The following SLC13A2 variants were observed in gnomAD, a reference collection of about 807,000 sequenced individuals.
The protein encoded by SLC13A2 is solute carrier family 13 member 2.
In SLC13A2, 40 loss-of-function variants were observed where a neutral mutation model predicts 58.5. The ratio of observed to expected loss-of-function variants is 0.68; its 90% CI spans 0.53 to 0.89. The LOEUF is 0.89. SLC13A2 is among the 40% of genes least tolerant of loss of function. The pLI is 0.00. For missense variants in SLC13A2, 694 were observed against 772.6 expected (o/e 0.90, Z 1.21); for synonymous variants, 341 against 331.6 (o/e 1.03, Z -0.31).
Position 28,483,465 on chromosome 17 carries a change from C to CA in SLC13A2, c.103-5736dup, listed in dbSNP as rs57271856. Reference sequence around the variant, plus strand: ...CAATATAGCGAGACCCTCATCTCTACAAAAAAAAAAAAATTGTTTTAATTA... The same window carrying CA: ...CAATATAGCGAGACCCTCATCTCTACAAAAAAAAAAAAAATTGTTTTAATTA... On this transcript the variant is annotated intron_variant, in intron 1 of 11. Transcript: ENST00000314669. 3.3e-3 allele frequency among the ~76,000 whole-genome samples: 455 copies of CA among 138,580 alleles called. 2 individuals carry two copies. Among genetic ancestry groups the CA allele is most frequent in the African/African-American group, 5.5e-3 (207 of 37,642 alleles). The allele number at this position is 138,580 out of a possible 152,430, so 90.9% of individuals were successfully genotyped here.
Position 28,489,207 on chromosome 17 carries a change from C to T in SLC13A2, c.103-7C>T. The T allele has an allele frequency of 1.2e-6, 2 of 1,613,000 alleles. No homozygotes were observed. Among genetic ancestry groups the T allele is most frequent in the South Asian group, 2.2e-5 (2 of 91,046 alleles). On this transcript the variant is annotated splice_polypyrimidine_tract_variant and splice_region_variant and intron_variant, in intron 1 of 11. Transcript: ENST00000314669. Reference sequence around the variant, plus strand: ...TGACAGCTCTGCCGCTTCTCTCCCACCTGCAGGAGGCCTACTGCGCGTATG... The same window carrying T: ...TGACAGCTCTGCCGCTTCTCTCCCATCTGCAGGAGGCCTACTGCGCGTATG...
In SLC13A2 at chr17:28,496,394, C is replaced by T; in HGVS notation, c.1471-56C>T. The T allele has an allele frequency of 6.5e-7, 1 of 1,542,206 alleles. No individual in the cohort carries two copies. Among genetic ancestry groups the T allele is most frequent in the Non-Finnish European group, 8.8e-7 (1 of 1,140,458 alleles). ...GAAGCAGGAGAATTGGGGGCCATGC[C>T]CCTCCCTCTGGCTTGGGGACCAAGT... is the stretch of plus-strand genomic sequence containing the variant. On this transcript the variant is annotated intron_variant, in intron 10 of 11. Coordinates refer to ENST00000314669, the MANE Select transcript of SLC13A2 (RefSeq NM_003984.4). The surrounding 1 kb of genome is among the most constrained non-coding windows in gnomAD (Gnocchi z 4.2).
In SLC13A2 at chr17:28,494,258, G is replaced by T; in HGVS notation, c.1187-133G>T. The T allele has an allele frequency of 6.5e-7, 1 of 1,539,226 alleles. No individual in the cohort carries two copies. On this transcript the variant is annotated intron_variant, in intron 8 of 11. Transcript: ENST00000314669. This position sits in a 1 kb window ranked among gnomAD's most constrained non-coding sequence, Gnocchi z 4.0. ...CACAGGGACTCGGAGACAAAGTTGAGATGTTGCAGAACTGAGGGTCCCCTC... is the reference window on the plus strand; with the variant it reads ...CACAGGGACTCGGAGACAAAGTTGATATGTTGCAGAACTGAGGGTCCCCTC...
rs1418617275 is a variant in SLC13A2 at position 28,495,659 on chromosome 17, C to A, written c.1313C>A (p.Ser438Ter). ...GYALAKGSER[S>*]GLSEWLGNKL... is the part of the protein sequence containing the mutation. Reference sequence around the variant, plus strand: ...GCCATCCTCCTCTGCCCACAGCGATCGGGCCTGTCAGAGTGGCTGGGAAAC... The same window carrying A: ...GCCATCCTCCTCTGCCCACAGCGATAGGGCCTGTCAGAGTGGCTGGGAAAC... Residue 438 changes from serine (S) to a stop codon, truncating the protein, a stop_gained, in exon 10 of 12, where the codon TCG (serine) becomes TAG (stop). Coordinates refer to ENST00000314669, the MANE Select transcript of SLC13A2 (RefSeq NM_003984.4). LOFTEE classifies it high-confidence loss of function. 6.2e-7 allele frequency: 1 copy of A among 1,609,508 alleles called. No individual in the cohort carries two copies. Among genetic ancestry groups the A allele is most frequent in the Non-Finnish European group, 8.5e-7 (1 of 1,179,672 alleles).
chr17:28,495,431 C>G (rs1419345161), intron 9 of SLC13A2, among the ~76,000 whole-genome samples: 2 of 152,158 alleles, frequency 1.3e-5, no homozygotes, highest in African/African-American at 2.4e-5. Context: ...CTTTGGCCCC[C>G]TCCTAATTTC....
intron 1 of SLC13A2, chr17:28,487,694 A>G (rs1238961225): frequency 7.8e-6 from 4 of 514,904 alleles, no homozygotes; most frequent in Non-Finnish European, 1.0e-5. Flanking sequence ...CGGGTGAGGA[A>G]ACACTGGCAT....
intron 1 of SLC13A2, among the ~76,000 whole-genome samples, 181 bp downstream of exon 1, chr17:28,473,995 T>C (rs1038029551): frequency 1.3e-5 from 2 of 152,174 alleles, no homozygotes; most frequent in South Asian, 2.1e-4. Flanking sequence ...GGGCTTTTGC[T>C]TGGCACCCAG....
intron 1 of SLC13A2, among the ~76,000 whole-genome samples, chr17:28,476,705 C>T (rs147132820): frequency 1.1e-4 from 16 of 152,304 alleles, no homozygotes; most frequent in Middle Eastern, 3.4e-3. Flanking sequence ...AAGCCCTGTT[C>T]TTTTGTTTAT....
At chr17:28,478,237 T>C (rs1555600447) in intron 1 of SLC13A2, among the ~76,000 whole-genome samples, 1 of 152,192 alleles carries the variant, frequency 6.6e-6, no homozygotes, top group Non-Finnish European at 1.5e-5. Context: ...GGGAGGCCGG[T>C]GGTGCCCCCG....
chr17:28,490,025 G>C (rs137900228), intron 2 of SLC13A2, among the ~76,000 whole-genome samples: 2,621 of 152,320 alleles, frequency 0.017, 27 homozygotes, highest in Middle Eastern at 0.027. Flanking sequence ...TGTAATCCTA[G>C]CACTTTAGGG....
intron 1 of SLC13A2, among the ~76,000 whole-genome samples, chr17:28,486,978 A>G (rs1555602085): frequency 1.3e-5 from 2 of 152,052 alleles, no homozygotes; most frequent in African/African-American, 4.8e-5. Context: ...TTGTATTTTT[A>G]GTAGAGACTG....
intron 4 of SLC13A2, 93 bp downstream of exon 4, chr17:28,490,999 C>G: frequency 1.6e-6 from 2 of 1,225,276 alleles, no homozygotes; most frequent in East Asian, 2.6e-5. Context: ...CATCTTGGAG[C>G]CTTTGGGGAG....
At chr17:28,493,418 C>T (rs1217965061) in intron 6 of SLC13A2, among the ~76,000 whole-genome samples, 153 bp from the exon 7 acceptor site, 4 of 152,200 alleles carry the variant, frequency 2.6e-5, no homozygotes, top group Admixed American at 6.5e-5. Context: ...GTCTTCTGCT[C>T]CTCCTCCAGA....
Position 28,493,296 on chromosome 17 carries a change from C to A in SLC13A2, c.879-275C>A, listed in dbSNP as rs191051276. 6.8e-4 allele frequency among the ~76,000 whole-genome samples: 103 copies of A among 152,242 alleles called. 1 individual carries two copies. In the East Asian group the frequency reaches 0.019, roughly 29 times the overall value. On this transcript the variant is annotated intron_variant, in intron 6 of 11. Transcript: ENST00000314669. Reference sequence around the variant, plus strand: ...AGTCCCAGGGTCTGAGCTGCTAGGTCCTCCTCACCCTGGGCAAGGGAGGGT... The same window carrying A: ...AGTCCCAGGGTCTGAGCTGCTAGGTACTCCTCACCCTGGGCAAGGGAGGGT...
chr17:28,495,711 A>C lies in SLC13A2; in HGVS notation c.1365A>C (p.Pro455=), dbSNP rs782402147. 4 of 1,612,680 alleles carry C rather than the reference A, an allele frequency of 2.5e-6. No individual in the cohort carries two copies. The highest frequency in any genetic ancestry group is 3.4e-6 in the Non-Finnish European group (4 of 1,179,972). The stretch of plus-strand genomic sequence containing the variant: ...AGCTGACCCCACTGCAGAGTGTGCC[A>C]GCTCCAGCCATTGCCATCATCCTCT... ...GNKLTPLQSV[P]APAIAIILSL... is the part of the protein sequence containing the mutation. The change falls in exon 10 of 12, where the codon CCA becomes CCC. Residue 455 remains proline (P), a synonymous_variant. Coordinates refer to ENST00000314669, the MANE Select transcript of SLC13A2 (RefSeq NM_003984.4).
In SLC13A2 at chr17:28,496,372, G is replaced by T; in HGVS notation, c.1471-78G>T. 6.6e-7 allele frequency: 1 copy of T among 1,504,038 alleles called. No individual in the cohort carries two copies. Among genetic ancestry groups the T allele is most frequent in the Non-Finnish European group, 8.9e-7 (1 of 1,120,378 alleles). 93.2% of individuals were successfully genotyped at this position (1,504,038 alleles called of 1,614,324 possible). ...GGTACAGGGGTTGTTCCCCAGAGAA[G>T]CAGGAGAATTGGGGGCCATGCCCCT... On this transcript the variant is annotated intron_variant, in intron 10 of 11. Coordinates refer to ENST00000314669, the MANE Select transcript of SLC13A2 (RefSeq NM_003984.4). This position sits in a 1 kb window ranked among gnomAD's most constrained non-coding sequence, Gnocchi z 4.2.
chr17:28,488,986 G>A (rs1555602540), intron 1 of SLC13A2, among the ~76,000 whole-genome samples: 1 of 152,242 alleles, frequency 6.6e-6, no homozygotes, highest in Non-Finnish European at 1.5e-5. Context: ...TGGCTGGCTT[G>A]TAATGTCTGG....
chr17:28,490,373 G>A (rs782357917), intron 2 of SLC13A2, 81 bp from the exon 3 acceptor site: 1 of 1,613,974 alleles, frequency 6.2e-7, no homozygotes, highest in South Asian at 1.1e-5. Context: ...GGGAATGTCA[G>A]TGACTGCATC....
chr17:28,481,420 G>A (rs2068783528), intron 1 of SLC13A2, among the ~76,000 whole-genome samples: 1 of 152,224 alleles, frequency 6.6e-6, no homozygotes, highest in Non-Finnish European at 1.5e-5. Flanking sequence ...GCAACTTGAG[G>A]CAGGCATGGG....
Sources: gnomAD v4.1 joint callset for allele counts (sites outside exome capture counted in the v4.1 genomes callset) on GRCh38, gnomAD v4.1.1 for gene constraint, Gnocchi (gnomAD v3.1) non-coding constraint, MANE v1.5 for transcripts, NCBI Gene and HGNC (gene_info 2026-07-23, HGNC 2026-07-21) for gene names.